Variants in MBNL1 observed in about 807,000 individuals in gnomAD.
The protein encoded by MBNL1 is muscleblind-like protein 1.
MBNL1 carries 8 observed loss-of-function variants against 42.2 expected under a neutral mutation model. That is an observed-to-expected ratio of 0.19 (90% CI 0.11 to 0.34). The LOEUF (loss-of-function observed/expected upper bound fraction) is 0.34. Ranked by LOEUF, MBNL1 falls within the 10% of genes least tolerant of loss-of-function variation. MBNL1 has a pLI of 1.00. For missense variants in MBNL1, 309 were observed against 495.3 expected (o/e 0.62, Z 3.57); for synonymous variants, 169 against 173.9 (o/e 0.97, Z 0.22).
chr3:152,276,629 G>A (rs2150109893), intron 1 of MBNL1, among the ~76,000 whole-genome samples: 1 of 152,256 alleles, frequency 6.6e-6, no homozygotes, highest in East Asian at 1.9e-4. Context: ...AGAGAGAAAA[G>A]GCCTGGGGTG....
At chr3:152,333,164 C>A (rs1166357726) in intron 2 of MBNL1, among the ~76,000 whole-genome samples, 1 of 152,076 alleles carries the variant, frequency 6.6e-6, no homozygotes, top group African/African-American at 2.4e-5. Flanking sequence ...CAATGGTAAT[C>A]CCCCAAAACA....
At chr3:152,407,600 A>G (rs1309712697) in intron 2 of MBNL1, among the ~76,000 whole-genome samples, 1 of 152,188 alleles carries the variant, frequency 6.6e-6, no homozygotes, top group Non-Finnish European at 1.5e-5. Context: ...CTATGATACT[A>G]AACACAGACA....
intron 2 of MBNL1, chr3:152,341,007 G>A (rs921067323): frequency 7.5e-6 from 10 of 1,332,410 alleles, no homozygotes; most frequent in Non-Finnish European, 6.9e-6. Flanking sequence ...CAAACTGTAC[G>A]ATGCTTATTT....
At chr3:152,389,217 T>G (rs2097571265) in intron 2 of MBNL1, among the ~76,000 whole-genome samples, 1 of 151,948 alleles carries the variant, frequency 6.6e-6, no homozygotes, top group African/African-American at 2.4e-5. Context: ...GCCTCCAGAG[T>G]AGCTGGGACT....
At chr3:152,407,623 A>G (rs1266256736) in intron 2 of MBNL1, among the ~76,000 whole-genome samples, 1 of 152,204 alleles carries the variant, frequency 6.6e-6, no homozygotes, top group African/African-American at 2.4e-5. Flanking sequence ...TATGTAATAA[A>G]AAAATCCTAT....
At chr3:152,306,466 G>A (rs114920687) in intron 2 of MBNL1, among the ~76,000 whole-genome samples, 2 of 152,248 alleles carry the variant, frequency 1.3e-5, no homozygotes, top group Non-Finnish European at 2.9e-5. Context: ...CTAGCAGGAC[G>A]CAGAAAAGGC....
chr3:152,355,435 T>G (rs1005550883), intron 2 of MBNL1, among the ~76,000 whole-genome samples: 5 of 152,212 alleles, frequency 3.3e-5, no homozygotes, highest in African/African-American at 1.2e-4. Flanking sequence ...GAATGTAATT[T>G]GACATCAGTT....
chr3:152,316,113 T>C (rs1215405220), intron 2 of MBNL1, among the ~76,000 whole-genome samples: 1 of 152,224 alleles, frequency 6.6e-6, no homozygotes, highest in Non-Finnish European at 1.5e-5. Flanking sequence ...TCTCTCCCTG[T>C]ATTAATACCT....
intron 2 of MBNL1, among the ~76,000 whole-genome samples, chr3:152,254,519 C>A (rs896211659): frequency 1.3e-5 from 2 of 152,026 alleles, no homozygotes; most frequent in Non-Finnish European, 2.9e-5. Context: ...AGCCATCTGC[C>A]TATGCTGGCC....
intron 1 of MBNL1, among the ~76,000 whole-genome samples, chr3:152,287,054 C>T (rs1311790447): frequency 6.6e-6 from 1 of 151,974 alleles, no homozygotes; most frequent in East Asian, 1.9e-4. Context: ...CCCGTCTCTA[C>T]TGAAAATACA....
At chr3:152,455,173 G>T (rs1378512717) in intron 6 of MBNL1, among the ~76,000 whole-genome samples, 1 of 152,104 alleles carries the variant, frequency 6.6e-6, no homozygotes, top group East Asian at 1.9e-4. Flanking sequence ...ATAAGTTAAA[G>T]TCAGAAATAG....
Position 152,271,563 on chromosome 3 carries a change from C to A in MBNL1, c.-790+2471C>A, listed in dbSNP as rs188421893. On this transcript the variant is annotated intron_variant, in intron 1 of 9. Transcript: ENST00000324210. The stretch of plus-strand genomic sequence containing the variant: ...GATAGATGTGCGGATTAGAGAACAT[C>A]TCAGGTCTTGGTTAGGAGAAGCTGA... Among the ~76,000 whole-genome samples, 5 of 152,148 alleles carry A rather than the reference C, an allele frequency of 3.3e-5. No homozygotes were observed. The East Asian group carries it at 9.7e-4, about 29-fold the overall frequency.
chr3:152,314,277 CTGTT>C (rs1213414069), intron 2 of MBNL1, among the ~76,000 whole-genome samples: 1 of 149,764 alleles, frequency 6.7e-6, no homozygotes, highest in Non-Finnish European at 1.5e-5. Flanking sequence ...CCATAATACT[CTGTT>C]TATCACAGCT....
At chr3:152,354,314 G>C (rs1009104730) in intron 2 of MBNL1, among the ~76,000 whole-genome samples, 5 of 152,126 alleles carry the variant, frequency 3.3e-5, no homozygotes, top group African/African-American at 1.2e-4. Context: ...TAATAACTGA[G>C]CATGGTGGCT....
chr3:152,343,105 A>G (rs1482477906), intron 2 of MBNL1, among the ~76,000 whole-genome samples: 1 of 152,182 alleles, frequency 6.6e-6, no homozygotes. Flanking sequence ...GGAAGAAGGC[A>G]TCAGAGATCA....
At chr3:152,338,655 C>T (rs959908083) in intron 2 of MBNL1, 85 of 985,230 alleles carry the variant, frequency 8.6e-5, no homozygotes, top group Middle Eastern at 5.2e-4. Flanking sequence ...CAAGAAACCT[C>T]TCCAGAAGAT....
chr3:152,431,043 A>G (rs1159466598), intron 3 of MBNL1, among the ~76,000 whole-genome samples: 2 of 152,240 alleles, frequency 1.3e-5, no homozygotes, highest in Admixed American at 6.5e-5. Context: ...TATTTTTGTT[A>G]GTAAAAATGT....
chr3:152,445,485 A>G lies in MBNL1; in HGVS notation c.753A>G (p.Gln251=). ...AHLQAKIKAA[Q]YQVNQAAAAQ... ...TGCAAGCCAAGATCAAGGCTGCCCA[A>G]TACCAGGTCAACCAGGCTGCAGCTG... Residue 251 remains glutamine (Q), a synonymous_variant, in exon 5 of 10, where the codon CAA becomes CAG. Coordinates refer to ENST00000324210, the MANE Select transcript of MBNL1 (RefSeq NM_021038.5). 1 of 1,613,948 alleles carries G rather than the reference A, an allele frequency of 6.2e-7. No homozygotes were observed. The highest frequency in any genetic ancestry group is 1.1e-5 in the South Asian group (1 of 91,072).
At chr3:152,244,545 A>G (rs557072740) in intron 2 of MBNL1, 1 of 152,064 alleles carries the variant, frequency 6.6e-6, no homozygotes. Flanking sequence ...GATAAACCTG[A>G]TAACTCTTTC....
Sources: allele counts gnomAD v4.1 joint callset (sites outside exome capture counted in the v4.1 genomes callset), GRCh38; gene constraint gnomAD v4.1.1; transcripts MANE v1.5; gene names NCBI Gene and HGNC (gene_info 2026-07-23, HGNC 2026-07-21).